Variants in PSG9 observed in about 807,000 individuals in gnomAD.
PSG9 encodes pregnancy-specific beta-1-glycoprotein 9.
In PSG9, 49 loss-of-function variants were observed where a neutral mutation model predicts 41.9. The ratio of observed to expected loss-of-function variants is 1.17; its 90% CI spans 0.93 to 1.48. The LOEUF is 1.48. Ranked by LOEUF, PSG9 falls within the 40% of genes most tolerant of loss-of-function variation. PSG9 has a pLI of 0.00. For synonymous variants in PSG9, 263 were observed against 196.8 expected, an observed-to-expected ratio of 1.34 and a Z score of -2.82; for missense variants, 641 against 520.3, an observed-to-expected ratio of 1.23 and a Z score of -2.26.
At position 43,259,495 on chromosome 19, in the gene PSG9, C is replaced by T. The variant is rs1218764395; in HGVS notation, c.710-360G>A. The T allele has an allele frequency of 1.4e-5, 4 of 281,784 alleles. 1 individual carries two copies. The highest frequency in any genetic ancestry group is 4.6e-5 in the African/African-American group (2 of 43,300). 17.5% of individuals were successfully genotyped at this position (281,784 alleles called of 1,614,324 possible). On this transcript the variant is annotated intron_variant, in intron 3 of 5. Coordinates refer to ENST00000270077, the MANE Select transcript of PSG9 (RefSeq NM_002784.5). ...TTACCTGGAATGTGCAACTGCTGGG[C>T]CCCTTCCAAATTCCATCCTACTTTG... is the stretch of plus-strand genomic sequence containing the variant.
chr19:43,258,171 C>T (rs1207456205), intron 5 of PSG9, 31 bp downstream of exon 5: 5 of 1,592,138 alleles, frequency 3.1e-6, no homozygotes, highest in Non-Finnish European at 4.3e-6. Context: ...CACATAAAAC[C>T]CTACTGCCAA....
At chr19:43,264,950 T>G (rs958705242) in intron 2 of PSG9, among the ~76,000 whole-genome samples, 2 of 152,082 alleles carry the variant, frequency 1.3e-5, no homozygotes, top group African/African-American at 2.4e-5. Context: ...TGAGTCCATG[T>G]GCTTTGGGGA....
rs775978077 is a variant in PSG9 at position 43,258,335 on chromosome 19, C to A, written c.1110G>T (p.Gly370=). ...GCTTTTGTCCTGATTGCTGAAACTTCCCATTAATTGTCCAAAAATACTCTG... is the reference window on the plus strand; with the variant it reads ...GCTTTTGTCCTGATTGCTGAAACTTACCATTAATTGTCCAAAAATACTCTG... ...PPAEYFWTIN[G]KFQQSGQKLF... is the part of the protein sequence containing the mutation. The change falls in exon 5 of 6, where the codon GGG becomes GGT. Residue 370 remains glycine (G), a synonymous_variant. Coordinates refer to ENST00000270077, the MANE Select transcript of PSG9 (RefSeq NM_002784.5). 1 of 1,592,872 alleles carries A rather than the reference C, an allele frequency of 6.3e-7. No homozygotes were observed.
rs942124866 is a variant in PSG9, at chr19:43,266,243, A to G, written c.430+1541T>C. 1.9e-3 allele frequency among the ~76,000 whole-genome samples: 283 copies of G among 152,140 alleles called. 2 individuals are homozygous for G. The highest frequency in any genetic ancestry group is 6.4e-3 in the African/African-American group (265 of 41,500). On this transcript the variant is annotated intron_variant, in intron 2 of 5. Transcript: ENST00000270077. ...CCGGTGGCCAAAGAGCTTCAGAGTT[A>G]CATGAGGTGGGGTGGCTTTAGGGGC...
rs1320392487 is a variant in PSG9, at chr19:43,259,966, C to G, written c.710-831G>C. On this transcript the variant is annotated intron_variant, in intron 3 of 5. Coordinates refer to ENST00000270077, the MANE Select transcript of PSG9 (RefSeq NM_002784.5). ...TGGACATTTGCAAATGCAGAACTGA[C>G]TGGTGGAAAGTGTGGGAATGAACTG... The G allele has an allele frequency of 1.4e-5, 2 of 146,930 alleles. 1 individual carries two copies. Among genetic ancestry groups the G allele is most frequent in the Non-Finnish European group, 3.0e-5 (2 of 67,480 alleles). The allele number at this position is 146,930 out of a possible 1,614,324, so 9.1% of individuals were successfully genotyped here. A position where few individuals can be genotyped will look rare whatever the true frequency, so the allele number is the denominator to read the frequency against.
rs1431530255 is a variant in PSG9 at position 43,254,768 on chromosome 19, A to G, written c.1244-1122T>C. Among the ~76,000 whole-genome samples the G allele has an allele frequency of 2.7e-5, 4 of 146,124 alleles. 1 individual carries two copies. The East Asian group carries it at 9.5e-4, about 35-fold the overall frequency. ...TAACTAGATTGACTAAGAAAAAAAGAGAAAAGTTTAAAATTACTCAAATCA... is the reference window on the plus strand; with the variant it reads ...TAACTAGATTGACTAAGAAAAAAAGGGAAAAGTTTAAAATTACTCAAATCA... On this transcript the variant is annotated intron_variant, in intron 5 of 5. Transcript: ENST00000270077.
chr19:43,261,623 T>G (rs1217565888), intron 3 of PSG9, among the ~76,000 whole-genome samples: 1 of 152,134 alleles, frequency 6.6e-6, no homozygotes, highest in Non-Finnish European at 1.5e-5. Flanking sequence ...ATTCACCTGT[T>G]TCTCCCATCA....
At chr19:43,265,509 C>T (rs1404611052) in intron 2 of PSG9, among the ~76,000 whole-genome samples, 8 of 152,012 alleles carry the variant, frequency 5.3e-5, no homozygotes, top group Admixed American at 1.3e-4. Context: ...CATTTCCCTC[C>T]GGCCGCATGA....
At position 43,261,820 on chromosome 19, in the gene PSG9, G is replaced by C. The variant is rs764715432; in HGVS notation, c.709+40C>G. On this transcript the variant is annotated intron_variant, in intron 3 of 5. Coordinates refer to ENST00000270077, the MANE Select transcript of PSG9 (RefSeq NM_002784.5). ...CCTGGCCTCTGGCCATGTGTATTTG[G>C]GATGGCAGCCTGGCTCACAGAGGAA... The C allele has an allele frequency of 1.9e-6, 3 of 1,613,908 alleles. No homozygotes were observed. In the African/African-American group the frequency reaches 4.0e-5, roughly 22 times the overall value.
rs535196736 is a variant in PSG9, at chr19:43,261,761, G to C, written c.709+99C>G. The C allele has an allele frequency of 5.0e-6, 8 of 1,611,068 alleles. No individual in the cohort carries two copies. The East Asian group carries it at 1.8e-4, about 36-fold the overall frequency. On this transcript the variant is annotated intron_variant, in intron 3 of 5. Transcript: ENST00000270077. ...CCAGCTTTGATGTCTAGGGGTAAAG[G>C]TCTCTGTACTTGGACCTGAGAGGGA...
chr19:43,268,156 G>A lies in PSG9; in HGVS notation c.65-7C>T, dbSNP rs371058038. 32 of 1,590,502 alleles carry A rather than the reference G, an allele frequency of 2.0e-5. No homozygotes were observed. In the African/African-American group the frequency reaches 3.5e-4, roughly 17 times the overall value. ...CAGAAGTTTAAAAGTGATGCTAGGAGGGGGAGACAGCATCAGTTAATATTG... is the reference window on the plus strand; with the variant it reads ...CAGAAGTTTAAAAGTGATGCTAGGAAGGGGAGACAGCATCAGTTAATATTG... On this transcript the variant is annotated splice_polypyrimidine_tract_variant and splice_region_variant and intron_variant, in intron 1 of 5. Transcript: ENST00000270077.
intron 3 of PSG9, chr19:43,259,780 C>T (rs552113834): frequency 6.7e-6 from 1 of 150,322 alleles, no homozygotes; most frequent in Non-Finnish European, 1.4e-5. Context: ...GACCTCTAAA[C>T]ATAGAGCAGA....
rs1484882898 is a variant in PSG9 at position 43,256,121 on chromosome 19, T to A, written c.1243+2081A>T. ...CATTTACAATGGGGAAGGGACAGTG[T>A]TCTCACCAAAGGATATTGGGAAAGC... On this transcript the variant is annotated intron_variant, in intron 5 of 5. Transcript: ENST00000270077. Among the ~76,000 whole-genome samples, 2 of 146,700 alleles carry A rather than the reference T, an allele frequency of 1.4e-5. 1 individual carries two copies. Among genetic ancestry groups the A allele is most frequent in the African/African-American group, 5.2e-5 (2 of 38,632 alleles).
rs1247244076 is a variant in PSG9 at position 43,259,137 on chromosome 19, T to A, written c.710-2A>T. 6.3e-7 allele frequency: 1 copy of A among 1,589,926 alleles called. No homozygotes were observed. The highest frequency in any genetic ancestry group is 8.5e-7 in the Non-Finnish European group (1 of 1,174,044). ...TGATGTAGGGGATGGGCAGCTTCGC[T>A]GTGTGGATAACAGAGAGAAGATTGT... On this transcript the variant is annotated splice_acceptor_variant, in intron 3 of 5. Coordinates refer to ENST00000270077, the MANE Select transcript of PSG9 (RefSeq NM_002784.5). LOFTEE classifies it high-confidence loss of function.
chr19:43,261,286 T>C (rs1188446336), intron 3 of PSG9, among the ~76,000 whole-genome samples: 1 of 151,850 alleles, frequency 6.6e-6, no homozygotes, highest in Non-Finnish European at 1.5e-5. Context: ...AGACCCTCTA[T>C]ATGTTTTAGT....
At position 43,258,052 on chromosome 19, in the gene PSG9, A is replaced by T. The variant is rs768834703; in HGVS notation, c.1243+150T>A. 9.4e-5 allele frequency: 149 copies of T among 1,581,382 alleles called. 11 individuals carry two copies. Among genetic ancestry groups the T allele is most frequent in the Non-Finnish European group, 1.2e-4 (139 of 1,170,858 alleles). On this transcript the variant is annotated intron_variant, in intron 5 of 5. Coordinates refer to ENST00000270077, the MANE Select transcript of PSG9 (RefSeq NM_002784.5). ...AACAAGGAGAAGAGAGTCTGTAGAG[A>T]CAAATTGGGAGGGTTCAGGAGGAGA...
chr19:43,263,982 C>T (rs1440892728), intron 2 of PSG9, among the ~76,000 whole-genome samples: 12 of 152,084 alleles, frequency 7.9e-5, no homozygotes. Context: ...AGGTGAAATG[C>T]TTTCTTCATT....
intron 2 of PSG9, 97 bp from the exon 3 acceptor site, chr19:43,262,235 C>T: frequency 6.5e-7 from 1 of 1,532,618 alleles, no homozygotes; most frequent in Non-Finnish European, 8.8e-7. Flanking sequence ...CCTCTCAGCC[C>T]AACCCAGTCC....
At chr19:43,261,793 G>A in intron 3 of PSG9, 67 bp downstream of exon 3, 1 of 1,613,870 alleles carries the variant, frequency 6.2e-7, no homozygotes, top group Admixed American at 1.7e-5. Context: ...GGGACTGAGA[G>A]GCCTGGCCTC....
Sources: gnomAD v4.1 joint callset for allele counts (sites outside exome capture counted in the v4.1 genomes callset) on GRCh38, gnomAD v4.1.1 for gene constraint, MANE v1.5 for transcripts, NCBI Gene and HGNC (gene_info 2026-07-23, HGNC 2026-07-21) for gene names.